The following PIP5K1A variants were observed in gnomAD, a reference collection of about 807,000 sequenced individuals.
The protein encoded by PIP5K1A is phosphatidylinositol 4-phosphate 5-kinase type-1 alpha.
In PIP5K1A, 46 loss-of-function variants were observed where a neutral mutation model predicts 72.9. The ratio of observed to expected loss-of-function variants is 0.63; its 90% CI spans 0.50 to 0.81. The LOEUF (loss-of-function observed/expected upper bound fraction) is 0.81, where lower values mean the gene tolerates loss of function less well. PIP5K1A is among the 30% of genes least tolerant of loss of function. PIP5K1A has a pLI of 0.00. For synonymous variants in PIP5K1A, 228 were observed against 255.1 expected (o/e 0.89, Z 1.01); for missense variants, 458 against 706.1 (o/e 0.65, Z 3.98).
In PIP5K1A at chr1:151,243,757, T is replaced by A. The variant is rs587643113; in HGVS notation, c.1640+1190T>A. ...TCTATTTTGTACTGTTTCTGTCCTT[T>A]TTGATCCAAGATGGCAGTGTTTCTA... On this transcript the variant is annotated intron_variant, in intron 14 of 15. Coordinates refer to ENST00000368888, the MANE Select transcript of PIP5K1A (RefSeq NM_001135638.2). 9.1e-4 allele frequency among the ~76,000 whole-genome samples: 138 copies of A among 152,284 alleles called. 1 individual carries two copies. Among genetic ancestry groups the A allele is most frequent in the Non-Finnish European group, 3.2e-4 (22 of 68,018 alleles).
chr1:151,232,973 G>A (rs587700237), intron 7 of PIP5K1A, among the ~76,000 whole-genome samples: 4 of 151,780 alleles, frequency 2.6e-5, no homozygotes, highest in African/African-American at 9.7e-5. Context: ...GGTAGCGGGC[G>A]CCTGTAGTCC....
At chr1:151,233,987 GGA>G (rs1329100600) in intron 7 of PIP5K1A, among the ~76,000 whole-genome samples, 1 of 152,068 alleles carries the variant, frequency 6.6e-6, no homozygotes, top group East Asian at 1.9e-4. Flanking sequence ...TTTCTGTATT[GGA>G]GAGTCTGTGG....
chr1:151,231,549 C>A, intron 4 of PIP5K1A, 122 bp from the exon 5 acceptor site: 2 of 810,584 alleles, frequency 2.5e-6, no homozygotes, highest in South Asian at 1.5e-5. Flanking sequence ...TTTATCTGAA[C>A]TATTGCTCAG....
intron 14 of PIP5K1A, 104 bp from the exon 15 acceptor site, chr1:151,246,816 C>T: frequency 1.3e-6 from 1 of 784,576 alleles, no homozygotes; most frequent in South Asian, 1.8e-5. Context: ...TAAATTGATT[C>T]CAAAGTGAAA....
At chr1:151,244,332 TATC>T (rs1286070399) in intron 14 of PIP5K1A, among the ~76,000 whole-genome samples, 1 of 152,210 alleles carries the variant, frequency 6.6e-6, no homozygotes, top group African/African-American at 2.4e-5. Context: ...TTGTATTAGT[TATC>T]ATAAATAATC....
At chr1:151,215,940 A>T in intron 1 of PIP5K1A, 1 of 1,295,614 alleles carries the variant, frequency 7.7e-7, no homozygotes, top group Non-Finnish European at 1.0e-6. Flanking sequence ...GTAAGGGGTA[A>T]CTTTCTGTTT....
chr1:151,216,900 GTTTTTTTTTTTTTTTTTTTTTT>G (rs78155966), intron 1 of PIP5K1A, among the ~76,000 whole-genome samples: 1 of 136,672 alleles, frequency 7.3e-6, no homozygotes, highest in African/African-American at 2.7e-5. Context: ...CTTAGTAAAT[GTTTTTTTTTTTTTTTTTTTTTT>G]TTTTTTTTGA....
chr1:151,196,550 A>ATTTTTTT (rs5777766), upstream of PIP5K1A, among the ~76,000 whole-genome samples: 221 of 114,738 alleles, frequency 1.9e-3, 5 homozygotes, highest in African/African-American at 7.0e-3. Flanking sequence ...ATGCATGGGG[A>ATTTTTTT]TTTTTTTTTT....
chr1:151,227,273 T>G (rs1237207472), intron 3 of PIP5K1A, 47 bp from the exon 4 acceptor site: 2 of 1,087,724 alleles, frequency 1.8e-6, no homozygotes, highest in African/African-American at 3.1e-5. Flanking sequence ...GGTAGCTATT[T>G]GGTGTCTTAC....
chr1:151,247,303 T>A, intron 15 of PIP5K1A, among the ~76,000 whole-genome samples: 1 of 151,944 alleles, frequency 6.6e-6, no homozygotes, highest in Non-Finnish European at 1.5e-5. Context: ...TAATTTTTTA[T>A]TTTTTAGTAG....
upstream of PIP5K1A, among the ~76,000 whole-genome samples, chr1:151,195,878 C>T (rs1684540604): frequency 7.6e-6 from 1 of 132,450 alleles, no homozygotes; most frequent in Admixed American, 8.0e-5. Flanking sequence ...ACATCAACAC[C>T]AGCCGATTTT....
chr1:151,200,812 G>GTATT (rs36040796), intron 1 of PIP5K1A, among the ~76,000 whole-genome samples: 36,770 of 149,266 alleles, frequency 0.25, 5,145 homozygotes, highest in African/African-American at 0.38. Flanking sequence ...AAGTGACAGG[G>GTATT]TATTTATTTA....
chr1:151,201,598 C>T lies in PIP5K1A; in HGVS notation c.85+2517C>T, dbSNP rs748744886. ...CTTGAACTCCTGACCTCAAGTAATC[C>T]GCCCACTTCGGCCTCCAAAAATGCT... On this transcript the variant is annotated intron_variant, in intron 1 of 15. Transcript: ENST00000368888. 3.3e-5 allele frequency among the ~76,000 whole-genome samples: 5 copies of T among 152,026 alleles called. No individual in the cohort carries two copies. The East Asian group carries it at 5.8e-4, about 18-fold the overall frequency.
At chr1:151,228,803 C>G (rs587717328) in intron 4 of PIP5K1A, among the ~76,000 whole-genome samples, 1 of 152,218 alleles carries the variant, frequency 6.6e-6, no homozygotes, top group African/African-American at 2.4e-5. Context: ...CAGAGGTGGA[C>G]TGACTCATTC....
intron 4 of PIP5K1A, among the ~76,000 whole-genome samples, chr1:151,229,211 G>A: frequency 7.1e-6 from 1 of 140,160 alleles, no homozygotes; most frequent in African/African-American, 2.6e-5. Flanking sequence ...GAAAGAAATA[G>A]GATCTTGCTC....
chr1:151,215,337 C>CTTT (rs34641426), intron 1 of PIP5K1A, among the ~76,000 whole-genome samples: 1 of 142,526 alleles, frequency 7.0e-6, no homozygotes, highest in Non-Finnish European at 1.5e-5. Context: ...CGCACCCGGC[C>CTTT]TTTTTTTTTT....
intron 10 of PIP5K1A, 147 bp downstream of exon 10, chr1:151,238,412 G>A: frequency 3.2e-6 from 2 of 626,242 alleles, no homozygotes; most frequent in Non-Finnish European, 5.7e-6. Context: ...GTTTTCAGAT[G>A]GTTTATTTCC....
intron 3 of PIP5K1A, among the ~76,000 whole-genome samples, chr1:151,225,099 C>G (rs925550526): frequency 2.0e-5 from 3 of 152,148 alleles, no homozygotes; most frequent in African/African-American, 7.2e-5. Context: ...CTTTGGGAGG[C>G]CAAGGTGAGA....
chr1:151,223,567 C>T (rs1688692016), intron 1 of PIP5K1A, among the ~76,000 whole-genome samples: 1 of 150,538 alleles, frequency 6.6e-6, no homozygotes, highest in Non-Finnish European at 1.5e-5. Flanking sequence ...ATTGCTTGAA[C>T]CCAGGAGGTG....
Sources: allele counts gnomAD v4.1 joint callset (sites outside exome capture counted in the v4.1 genomes callset), GRCh38; gene constraint gnomAD v4.1.1; transcripts MANE v1.5; gene names NCBI Gene and HGNC (gene_info 2026-07-23, HGNC 2026-07-21).